The following EEFSEC variants were observed in gnomAD, a reference collection of about 807,000 sequenced individuals.
The protein encoded by EEFSEC is eukaryotic elongation factor, selenocysteine-tRNA specific, also known as selenocysteine-specific elongation factor.
A neutral mutation model predicts 42.1 loss-of-function variants in EEFSEC; 43 were observed. That is an observed-to-expected ratio of 1.02 (90% CI 0.80 to 1.32). The LOEUF is 1.32. Among genes scored for constraint, EEFSEC ranks in the 40% most tolerant of loss-of-function variants. The pLI is 0.00. For missense variants in EEFSEC, 745 were observed against 803.6 expected (o/e 0.93, Z 0.88); for synonymous variants, 354 against 339.1 (o/e 1.04, Z -0.48).
At chr3:128,219,623 C>T (rs566339510) in intron 1 of EEFSEC, among the ~76,000 whole-genome samples, 28 of 152,262 alleles carry the variant, frequency 1.8e-4, no homozygotes, top group African/African-American at 6.0e-4. Context: ...TTCTGTGCAG[C>T]TTTTATCTCT....
chr3:128,228,733 T>C (rs1187235663), intron 1 of EEFSEC, among the ~76,000 whole-genome samples: 1 of 152,116 alleles, frequency 6.6e-6, no homozygotes, highest in African/African-American at 2.4e-5. Context: ...AAGCAGGCAA[T>C]GCAAACTCTC....
chr3:128,398,976 C>T (rs541661469), intron 6 of EEFSEC, among the ~76,000 whole-genome samples: 2 of 152,140 alleles, frequency 1.3e-5, no homozygotes, highest in Non-Finnish European at 2.9e-5. Context: ...TTTAGGACAA[C>T]AAACTTTCCT....
chr3:128,386,221 G>A (rs1426389323), intron 6 of EEFSEC, among the ~76,000 whole-genome samples: 1 of 152,184 alleles, frequency 6.6e-6, no homozygotes, highest in South Asian at 2.1e-4. Context: ...GTGAAGTAGG[G>A]TTCAGGTGGG....
chr3:128,223,988 AAAAAC>A (rs762104460), intron 1 of EEFSEC, among the ~76,000 whole-genome samples: 49 of 152,126 alleles, frequency 3.2e-4, no homozygotes, highest in Admixed American at 6.5e-5. Context: ...CATTTAAAAA[AAAAAC>A]ATTTTCTATT....
chr3:128,237,130 C>T (rs1281896090), intron 1 of EEFSEC, among the ~76,000 whole-genome samples: 1 of 152,126 alleles, frequency 6.6e-6, no homozygotes, highest in Non-Finnish European at 1.5e-5. Context: ...TTCTATATTT[C>T]CAATTTGAAA....
chr3:128,248,567 A>G (rs1220172707), intron 2 of EEFSEC, among the ~76,000 whole-genome samples: 1 of 152,242 alleles, frequency 6.6e-6, no homozygotes, highest in African/African-American at 2.4e-5. Context: ...AGTGGATATG[A>G]GACTGTAAAA....
In EEFSEC at chr3:128,341,422, C is replaced by T. The variant is rs748023292; in HGVS notation, c.976C>T (p.Arg326Trp). Residue 326 changes from arginine (R) to tryptophan (W), a missense_variant, in exon 5 of 7, where the codon CGG becomes TGG. Physicochemically the swap from Arg to Trp is moderately radical, Grantham distance 101 (BLOSUM62 -3). Coordinates refer to ENST00000254730, the MANE Select transcript of EEFSEC (RefSeq NM_021937.5). ...CTCTGTGGAAAAGATACCGTATTTC[C>T]GGGGGCCCCTGCAAACCAAGGCCAA... ...LISVEKIPYFRGPLQTKAKFH... is the reference protein window; with the variant it reads ...LISVEKIPYFWGPLQTKAKFH... 5.8e-5 allele frequency: 93 copies of T among 1,614,026 alleles called. No homozygotes were observed. The highest frequency in any genetic ancestry group is 7.4e-5 in the Non-Finnish European group (87 of 1,180,044).
intron 4 of EEFSEC, among the ~76,000 whole-genome samples, chr3:128,265,862 T>C (rs1303464489): frequency 1.3e-5 from 2 of 152,186 alleles, no homozygotes; most frequent in African/African-American, 4.8e-5. Context: ...GATGTAAATA[T>C]GTAGATATCT....
rs748996358 is a variant in EEFSEC at position 128,211,021 on chromosome 3, C to T, written c.317-35815C>T. ...AGCTTGGTGGTCAGACATCCTCTGTCGCTTACTGGCTGTTTAAGCCTGGAC... is the reference window on the plus strand; with the variant it reads ...AGCTTGGTGGTCAGACATCCTCTGTTGCTTACTGGCTGTTTAAGCCTGGAC... On this transcript the variant is annotated intron_variant, in intron 1 of 6. Transcript: ENST00000254730. 8.5e-5 allele frequency among the ~76,000 whole-genome samples: 13 copies of T among 152,204 alleles called. No homozygotes were observed. The East Asian group carries it at 9.6e-4, about 11-fold the overall frequency.
intron 1 of EEFSEC, among the ~76,000 whole-genome samples, chr3:128,202,623 A>T (rs2065654737): frequency 6.6e-6 from 1 of 152,144 alleles, no homozygotes; most frequent in South Asian, 2.1e-4. Flanking sequence ...TCTACTCTTT[A>T]TACCTTTTTC....
intron 6 of EEFSEC, among the ~76,000 whole-genome samples, chr3:128,376,249 A>G (rs890538433): frequency 6.6e-6 from 1 of 152,214 alleles, no homozygotes; most frequent in Non-Finnish European, 1.5e-5. Context: ...GCAACCCTGC[A>G]TCCCCAAGGA....
chr3:128,192,700 G>A lies in EEFSEC; in HGVS notation c.316+38877G>A, dbSNP rs569894807. ...ATTAACTCTTTCCACAGTATTTGTT[G>A]GACACCTGTGATACTGGAAGGAGGA... is the stretch of plus-strand genomic sequence containing the variant. On this transcript the variant is annotated intron_variant, in intron 1 of 6. Coordinates refer to ENST00000254730, the MANE Select transcript of EEFSEC (RefSeq NM_021937.5). 2.6e-5 allele frequency among the ~76,000 whole-genome samples: 4 copies of A among 152,192 alleles called. No individual in the cohort carries two copies. In the East Asian group the frequency reaches 5.8e-4, roughly 22 times the overall value.
chr3:128,370,429 G>A (rs534773237), intron 6 of EEFSEC, among the ~76,000 whole-genome samples: 20 of 152,290 alleles, frequency 1.3e-4, no homozygotes, highest in African/African-American at 4.8e-4. Flanking sequence ...TGCCTCTGTG[G>A]CCTGGGAGGA....
At chr3:128,422,574 C>T in the EEFSEC span, among the ~76,000 whole-genome samples, 2 of 152,242 alleles carry the variant, frequency 1.3e-5, no homozygotes, top group Admixed American at 6.5e-5. Flanking sequence ...TCTCACTCCT[C>T]GGGCCTTGAG....
At chr3:128,355,341 G>A in intron 5 of EEFSEC, among the ~76,000 whole-genome samples, 1 of 152,146 alleles carries the variant, frequency 6.6e-6, no homozygotes, top group South Asian at 2.1e-4. Context: ...GAAGCTGTCT[G>A]AAGGAGGAAA....
chr3:128,292,500 G>T lies in EEFSEC; in HGVS notation c.786+27719G>T, dbSNP rs550884250. 4.0e-4 allele frequency among the ~76,000 whole-genome samples: 61 copies of T among 151,642 alleles called. 1 individual carries two copies. Among genetic ancestry groups the T allele is most frequent in the African/African-American group, 1.4e-3 (58 of 41,460 alleles). ...TTATGTATTTAAATATATATATGAT[G>T]TATATTATATATGATTCAGATTTTT... On this transcript the variant is annotated intron_variant, in intron 4 of 6. Coordinates refer to ENST00000254730, the MANE Select transcript of EEFSEC (RefSeq NM_021937.5).
intron 6 of EEFSEC, among the ~76,000 whole-genome samples, chr3:128,387,969 G>A (rs1188148777): frequency 2.0e-5 from 3 of 152,190 alleles, no homozygotes; most frequent in Admixed American, 6.5e-5. Context: ...AGGGTGCCAC[G>A]AGCAGAGACC....
intron 6 of EEFSEC, chr3:128,362,209 G>A: frequency 1.9e-6 from 1 of 526,854 alleles, no homozygotes; most frequent in Non-Finnish European, 3.9e-6. Flanking sequence ...AGTGTGCCAG[G>A]CATCAGCACT....
chr3:128,250,445 G>A (rs2066173379), intron 2 of EEFSEC, among the ~76,000 whole-genome samples: 1 of 151,880 alleles, frequency 6.6e-6, no homozygotes, highest in Non-Finnish European at 1.5e-5. Context: ...GTAAGTTAAG[G>A]GTTCACCTTC....
Sources: allele counts gnomAD v4.1 joint callset (sites outside exome capture counted in the v4.1 genomes callset), GRCh38; gene constraint gnomAD v4.1.1; transcripts MANE v1.5; gene names NCBI Gene and HGNC (gene_info 2026-07-23, HGNC 2026-07-21).